SNTB1: variants seen among roughly 807,000 people sequenced by gnomAD.
The protein encoded by SNTB1 is syntrophin beta 1.
A neutral mutation model predicts 48.9 loss-of-function variants in SNTB1; 36 were observed. The ratio of observed to expected loss-of-function variants is 0.74; its 90% CI spans 0.56 to 0.97. The LOEUF (loss-of-function observed/expected upper bound fraction) is 0.97, where lower values mean the gene tolerates loss of function less well. Ranked by LOEUF, SNTB1 falls within the 50% of genes least tolerant of loss-of-function variation. The pLI is 0.00. For missense variants in SNTB1, 786 were observed against 703.4 expected (o/e 1.12, Z -1.33); for synonymous variants, 299 against 294.6 (o/e 1.01, Z -0.15).
chr8:120,646,621 A>T (rs1188841538), intron 2 of SNTB1, among the ~76,000 whole-genome samples: 1 of 151,942 alleles, frequency 6.6e-6, no homozygotes, highest in African/African-American at 2.4e-5. Context: ...TTGGTCTAAA[A>T]TTCTCTTTTT....
At chr8:120,722,500 C>T (rs369885333) in intron 1 of SNTB1, among the ~76,000 whole-genome samples, 22 of 152,120 alleles carry the variant, frequency 1.4e-4, no homozygotes, top group African/African-American at 5.1e-4. Context: ...TGACCAGTGA[C>T]GATGAGCATT....
chr8:120,801,200 G>A (rs1467835351), intron 1 of SNTB1, among the ~76,000 whole-genome samples: 1 of 151,978 alleles, frequency 6.6e-6, no homozygotes, highest in Non-Finnish European at 1.5e-5. Context: ...CATTGCAGAT[G>A]AAAGAATGTT....
chr8:120,592,801 C>T (rs1235428552), intron 3 of SNTB1, among the ~76,000 whole-genome samples: 1 of 152,198 alleles, frequency 6.6e-6, no homozygotes, highest in Non-Finnish European at 1.5e-5. Context: ...CTTTCTCCTA[C>T]TCTGGGGTCT....
intron 2 of SNTB1, among the ~76,000 whole-genome samples, chr8:120,669,047 C>T (rs1817718075): frequency 6.6e-6 from 1 of 152,210 alleles, no homozygotes; most frequent in African/African-American, 2.4e-5. Context: ...GGTTGGACTG[C>T]ATACAACCAT....
At chr8:120,737,922 T>C (rs1818976768) in intron 1 of SNTB1, among the ~76,000 whole-genome samples, 1 of 152,192 alleles carries the variant, frequency 6.6e-6, no homozygotes, top group Non-Finnish European at 1.5e-5. Flanking sequence ...GTGAGAACTT[T>C]ATAGCACAGT....
intron 4 of SNTB1, among the ~76,000 whole-genome samples, chr8:120,574,342 A>G (rs1210676243): frequency 2.6e-5 from 4 of 152,194 alleles, no homozygotes; most frequent in South Asian, 4.1e-4. Flanking sequence ...AACGTTGCTA[A>G]GAGGGTAGAT....
intron 1 of SNTB1, among the ~76,000 whole-genome samples, chr8:120,755,428 G>A (rs1018389357): frequency 3.9e-5 from 6 of 152,046 alleles, no homozygotes; most frequent in Non-Finnish European, 7.4e-5. Flanking sequence ...CATGATCAGG[G>A]AGAGCCAAAC....
At chr8:120,740,325 A>G (rs1819022685) in intron 1 of SNTB1, among the ~76,000 whole-genome samples, 1 of 152,236 alleles carries the variant, frequency 6.6e-6, no homozygotes, top group Non-Finnish European at 1.5e-5. Context: ...TTTCGTCTAG[A>G]GTATGATCTC....
chr8:120,768,257 C>T (rs1383486680), intron 1 of SNTB1, among the ~76,000 whole-genome samples: 1 of 152,160 alleles, frequency 6.6e-6, no homozygotes, highest in African/African-American at 2.4e-5. Context: ...GTTCAAGTCC[C>T]AGCGAATCAA....
chr8:120,709,768 T>C (rs2129914254), intron 1 of SNTB1, among the ~76,000 whole-genome samples: 1 of 152,222 alleles, frequency 6.6e-6, no homozygotes, highest in Non-Finnish European at 1.5e-5. Context: ...GAATCTTTTC[T>C]CCCCAAAGAG....
chr8:120,610,541 T>TTTG (rs1021309302), intron 3 of SNTB1, among the ~76,000 whole-genome samples: 1 of 152,042 alleles, frequency 6.6e-6, no homozygotes, highest in Admixed American at 6.6e-5. Flanking sequence ...GACTAAAGTT[T>TTTG]TTTGTTTGTT....
intron 2 of SNTB1, among the ~76,000 whole-genome samples, chr8:120,643,339 T>C (rs150293989): frequency 0.014 from 2,206 of 152,376 alleles, 49 homozygotes; most frequent in African/African-American, 0.051. Context: ...AGTTCTTTAG[T>C]GGTGATGTCT....
intron 2 of SNTB1, among the ~76,000 whole-genome samples, chr8:120,650,244 A>T (rs1270076922): frequency 6.6e-6 from 1 of 152,170 alleles, no homozygotes; most frequent in African/African-American, 2.4e-5. Context: ...ATAAGATGAG[A>T]CATATGTTAG....
At chr8:120,542,669 TTAAA>T (rs960107906) in intron 5 of SNTB1, among the ~76,000 whole-genome samples, 2 of 151,508 alleles carry the variant, frequency 1.3e-5, no homozygotes, top group East Asian at 1.9e-4. Context: ...AAATTTTTTT[TTAAA>T]TAAATAAAGC....
At chr8:120,750,633 T>C (rs1308063734) in intron 1 of SNTB1, among the ~76,000 whole-genome samples, 1 of 152,134 alleles carries the variant, frequency 6.6e-6, no homozygotes, top group African/African-American at 2.4e-5. Flanking sequence ...GGGAATTGAT[T>C]ATAAAATAAT....
intron 1 of SNTB1, among the ~76,000 whole-genome samples, chr8:120,714,238 C>A (rs779737610): frequency 1.8e-4 from 28 of 152,300 alleles, no homozygotes; most frequent in Non-Finnish European, 3.4e-4. Context: ...AGAGACAGAA[C>A]CCCTCCTCTG....
At chr8:120,811,166 G>A (rs1357106038) in intron 1 of SNTB1, 107 bp downstream of exon 1, 2 of 1,423,320 alleles carry the variant, frequency 1.4e-6, no homozygotes, top group African/African-American at 1.5e-5. Context: ...CCGGCCCCCT[G>A]GGGTGTGTCC....
chr8:120,632,372 A>G, intron 3 of SNTB1, 72 bp downstream of exon 3: 1 of 1,337,230 alleles, frequency 7.5e-7, no homozygotes. Context: ...GGGATGAGAT[A>G]GTTTTAGTGG....
chr8:120,641,691 C>T (rs936907649), intron 2 of SNTB1, among the ~76,000 whole-genome samples: 2 of 152,158 alleles, frequency 1.3e-5, no homozygotes, highest in South Asian at 4.1e-4. Context: ...TAGGTGTCCA[C>T]CTCAACTGTA....
Sources: allele counts gnomAD v4.1 joint callset (sites outside exome capture counted in the v4.1 genomes callset), GRCh38; gene constraint gnomAD v4.1.1; transcripts MANE v1.5; gene names NCBI Gene and HGNC (gene_info 2026-07-23, HGNC 2026-07-21).